The following GOLM2 variants were observed in gnomAD, a reference collection of about 807,000 sequenced individuals.
GOLM2 encodes the protein protein GOLM2.
GOLM2 carries 26 observed loss-of-function variants against 55.9 expected under a neutral mutation model. That is an observed-to-expected ratio of 0.47 (90% CI 0.34 to 0.65). GOLM2 has a LOEUF of 0.65. Ranked by LOEUF, GOLM2 falls within the 30% of genes least tolerant of loss-of-function variation. The pLI is 0.01. For missense variants in GOLM2, 486 were observed against 531.8 expected, an observed-to-expected ratio of 0.91 and a Z score of 0.85; for synonymous variants, 165 against 194.6, an observed-to-expected ratio of 0.85 and a Z score of 1.27.
In GOLM2 at chr15:44,380,812, A is replaced by T. The variant is rs773205477; in HGVS notation, c.908A>T (p.His303Leu). 4.6e-6 allele frequency: 7 copies of T among 1,531,278 alleles called. No individual in the cohort carries two copies. Among genetic ancestry groups the T allele is most frequent in the Non-Finnish European group, 6.1e-6 (7 of 1,141,262 alleles). 94.9% of individuals were successfully genotyped at this position (1,531,278 alleles called of 1,614,324 possible). Residue 303 changes from histidine (H) to leucine (L), a missense_variant, in exon 8 of 10, where the codon CAC (histidine) becomes CTC (leucine). By Grantham distance (99) the His-to-Leu change is moderately conservative (BLOSUM62 -3). Coordinates refer to ENST00000299957, the MANE Select transcript of GOLM2 (RefSeq NM_138423.4). The part of the protein sequence containing the change: ...PLSPNMPPDS[H>L]INHNGNPGTS... ...TGATGTTTTTATGCCACAGATTCAC[A>T]CATAAACCACAATGGAAACCCCGGT...
chr15:44,363,461 C>T (rs1314871434), intron 6 of GOLM2, among the ~76,000 whole-genome samples: 1 of 152,196 alleles, frequency 6.6e-6, no homozygotes, highest in African/African-American at 2.4e-5. Flanking sequence ...CATCACTGGC[C>T]ATCAGAGAAA....
At chr15:44,407,352 A>G (rs1360160281) in intron 9 of GOLM2, among the ~76,000 whole-genome samples, 1 of 149,938 alleles carries the variant, frequency 6.7e-6, no homozygotes, top group Non-Finnish European at 1.5e-5. Flanking sequence ...TGCAGCCTCG[A>G]CCTCCTGGGG....
intron 2 of GOLM2, among the ~76,000 whole-genome samples, chr15:44,325,534 C>T (rs1184238064): frequency 6.6e-6 from 1 of 152,192 alleles, no homozygotes; most frequent in Non-Finnish European, 1.5e-5. Context: ...TAGCCTGAAT[C>T]AGAAGGGACT....
Position 44,362,763 on chromosome 15 carries a change from A to G in GOLM2, c.803-16927A>G, listed in dbSNP as rs1490111675. Among the ~76,000 whole-genome samples the G allele has an allele frequency of 4.1e-4, 62 of 152,192 alleles. 1 individual carries two copies. Among genetic ancestry groups the G allele is most frequent in the Non-Finnish European group, 4.7e-4 (32 of 68,028 alleles). The stretch of plus-strand genomic sequence containing the variant: ...AATCCTAAGCCAAAAGAACAAAGCT[A>G]GAGGCATCATGCTACCTGACTTCAA... On this transcript the variant is annotated intron_variant, in intron 6 of 9. Coordinates refer to ENST00000299957, the MANE Select transcript of GOLM2 (RefSeq NM_138423.4).
chr15:44,344,278 T>C (rs1386224881), intron 6 of GOLM2, among the ~76,000 whole-genome samples: 1 of 143,054 alleles, frequency 7.0e-6, no homozygotes, highest in Non-Finnish European at 1.5e-5. Context: ...AAAAAATGTA[T>C]ATGTGTGTGT....
chr15:44,413,659 C>G lies in GOLM2; in HGVS notation c.*253C>G. 1 of 375,296 alleles carries G rather than the reference C, an allele frequency of 2.7e-6. No homozygotes were observed. The highest frequency in any genetic ancestry group is 4.8e-6 in the Non-Finnish European group (1 of 206,796). 23.2% of individuals were successfully genotyped at this position (375,296 alleles called of 1,614,324 possible). On this transcript the variant is annotated 3_prime_UTR_variant, in exon 10 of 10. Transcript: ENST00000299957. ...AAACAGCTAATCTTTGCATCTAAAG[C>G]AAACTAATGTATATTTCACATTTTA...
chr15:44,347,786 T>C (rs2079135266), intron 6 of GOLM2, among the ~76,000 whole-genome samples: 1 of 152,070 alleles, frequency 6.6e-6, no homozygotes, highest in South Asian at 2.1e-4. Context: ...ATCTTGCCAG[T>C]ACAAAAGAGA....
At position 44,392,756 on chromosome 15, in the gene GOLM2, G is replaced by A. The variant is rs191848991; in HGVS notation, c.1073-10131G>A. ...GTTTAATATTTGAAAAGCGATCTAT[G>A]TAATTTACCACATTAACAAAATATA... On this transcript the variant is annotated intron_variant, in intron 8 of 9. Coordinates refer to ENST00000299957, the MANE Select transcript of GOLM2 (RefSeq NM_138423.4). Among the ~76,000 whole-genome samples, 50 of 152,242 alleles carry A rather than the reference G, an allele frequency of 3.3e-4. 1 individual carries two copies. Among genetic ancestry groups the A allele is most frequent in the Middle Eastern group, 6.8e-3 (2 of 294 alleles).
chr15:44,331,029 T>C (rs1190422187), intron 3 of GOLM2, among the ~76,000 whole-genome samples: 1 of 152,206 alleles, frequency 6.6e-6, no homozygotes, highest in African/African-American at 2.4e-5. Flanking sequence ...TTTTTCTTTT[T>C]TTGAGACTGA....
At chr15:44,358,471 A>G (rs533668386) in intron 6 of GOLM2, among the ~76,000 whole-genome samples, 1 of 152,350 alleles carries the variant, frequency 6.6e-6, no homozygotes, top group East Asian at 1.9e-4. Flanking sequence ...TTAATATTAG[A>G]GCTACAGTAA....
At chr15:44,385,148 C>T (rs920400314) in intron 8 of GOLM2, among the ~76,000 whole-genome samples, 1 of 152,030 alleles carries the variant, frequency 6.6e-6, no homozygotes. Context: ...CATTTATGTA[C>T]AAGTTTTTTT....
At chr15:44,362,847 A>G (rs533638049) in intron 6 of GOLM2, among the ~76,000 whole-genome samples, 9 of 152,264 alleles carry the variant, frequency 5.9e-5, no homozygotes, top group East Asian at 1.9e-4. Flanking sequence ...AAACAGAGAT[A>G]GAGATCAATG....
At position 44,411,013 on chromosome 15, in the gene GOLM2, CTTT is replaced by C. The variant is rs201998296; in HGVS notation, c.1241-2299_1241-2297del. ...TGAAAAAGAAAGTTGGTTTGTTTGACTTTTTTTTTTTTTTTTTTTTTTTTTTGA... is the reference window on the plus strand; with the variant it reads ...TGAAAAAGAAAGTTGGTTTGTTTGACTTTTTTTTTTTTTTTTTTTTTTTGA... On this transcript the variant is annotated intron_variant, in intron 9 of 9. Transcript: ENST00000299957. Among the ~76,000 whole-genome samples, 3 of 81,330 alleles carry C rather than the reference CTTT, an allele frequency of 3.7e-5. No individual in the cohort carries two copies. In the South Asian group the frequency reaches 1.4e-3, roughly 37 times the overall value. The allele number at this position is 81,330 out of a possible 152,430, so 53.4% of individuals were successfully genotyped here. A position where few individuals can be genotyped will look rare whatever the true frequency, so the allele number is the denominator to read the frequency against.
intron 8 of GOLM2, among the ~76,000 whole-genome samples, chr15:44,389,323 A>G (rs2079471913): frequency 6.6e-6 from 1 of 152,086 alleles, no homozygotes; most frequent in South Asian, 2.1e-4. Context: ...TGAGGCCAGG[A>G]GTTCGAGAGC....
intron 9 of GOLM2, among the ~76,000 whole-genome samples, chr15:44,410,214 G>A (rs1170493473): frequency 4.6e-5 from 7 of 152,062 alleles, no homozygotes; most frequent in Non-Finnish European, 8.8e-5. Context: ...CGAGGCGGGC[G>A]GATTACGAGG....
intron 1 of GOLM2, among the ~76,000 whole-genome samples, chr15:44,321,484 A>AGGG (rs36053508): frequency 2.9e-4 from 20 of 69,994 alleles, no homozygotes; most frequent in African/African-American, 9.0e-4. Flanking sequence ...AAAAAAAAAA[A>AGGG]GGGGGGGTGG....
chr15:44,328,344 G>T (rs1271405240), intron 2 of GOLM2, among the ~76,000 whole-genome samples: 1 of 152,182 alleles, frequency 6.6e-6, no homozygotes, highest in African/African-American at 2.4e-5. Flanking sequence ...CGGATGTGGT[G>T]TTGCACACCT....
chr15:44,361,995 C>T (rs1422028114), intron 6 of GOLM2, among the ~76,000 whole-genome samples: 2 of 152,146 alleles, frequency 1.3e-5, no homozygotes, highest in East Asian at 1.9e-4. Context: ...ATTCAACAAC[C>T]CTTCATGCTA....
chr15:44,383,679 T>C (rs1437327992), intron 8 of GOLM2, among the ~76,000 whole-genome samples: 3 of 146,492 alleles, frequency 2.0e-5, no homozygotes, highest in South Asian at 2.1e-4. Context: ...TTTTTTCTTT[T>C]TTTTTTTTTT....
Sources: gnomAD v4.1 joint callset for allele counts (sites outside exome capture counted in the v4.1 genomes callset) on GRCh38, gnomAD v4.1.1 for gene constraint, MANE v1.5 for transcripts, NCBI Gene and HGNC (gene_info 2026-07-23, HGNC 2026-07-21) for gene names.